HEXD: variants seen among roughly 807,000 people sequenced by gnomAD.
HEXD encodes the protein hexosaminidase D.
A neutral mutation model predicts 54.2 loss-of-function variants in HEXD; 47 were observed. That is an observed-to-expected ratio of 0.87 (90% CI 0.69 to 1.11). HEXD has a LOEUF of 1.11. Among genes scored for constraint, HEXD ranks in the 50% least tolerant of loss-of-function variants. The pLI is 0.00. For missense variants in HEXD, 576 were observed against 649.2 expected (o/e 0.89, Z 1.23); for synonymous variants, 293 against 287.6 (o/e 1.02, Z -0.19).
intron 11 of HEXD, among the ~76,000 whole-genome samples, 191 bp downstream of exon 11, chr17:82,441,457 G>A (rs1599761068): frequency 2.0e-5 from 3 of 147,860 alleles, no homozygotes; most frequent in Non-Finnish European, 4.5e-5. Context: ...AGGCAGGTGT[G>A]AGCGTGCAGG....
intron 9 of HEXD, chr17:82,440,427 T>C (rs1173579202): frequency 1.4e-6 from 1 of 735,094 alleles, no homozygotes; most frequent in South Asian, 1.8e-5. Context: ...CAGACACCCC[T>C]GTACCCCACA....
In HEXD at chr17:82,434,095, G is replaced by A. The variant is rs1312760187; in HGVS notation, c.447+273G>A. On this transcript the variant is annotated intron_variant, in intron 5 of 12. Coordinates refer to ENST00000327949, the MANE Select transcript of HEXD (RefSeq NM_001330542.2). This position sits in a 1 kb window ranked among gnomAD's most constrained non-coding sequence, Gnocchi z 4.5. Reference sequence around the variant, plus strand: ...GGACAGCCTGCAGAGCCCGAGGGAGGCACCCTCGTGTCAGACGAGACCACC... The same window carrying A: ...GGACAGCCTGCAGAGCCCGAGGGAGACACCCTCGTGTCAGACGAGACCACC... Among the ~76,000 whole-genome samples, 1 of 152,184 alleles carries A rather than the reference G, an allele frequency of 6.6e-6. No individual in the cohort carries two copies. The highest frequency in any genetic ancestry group is 1.5e-5 in the Non-Finnish European group (1 of 68,014).
intron 4 of HEXD, among the ~76,000 whole-genome samples, chr17:82,431,602 C>T (rs181132256): frequency 3.4e-4 from 52 of 152,040 alleles, no homozygotes; most frequent in Admixed American, 1.9e-3. Flanking sequence ...TTAGTAGAGA[C>T]GGGGTTTTGC....
chr17:82,431,784 C>T (rs534829908), intron 4 of HEXD, among the ~76,000 whole-genome samples: 1 of 152,180 alleles, frequency 6.6e-6, no homozygotes, highest in South Asian at 2.1e-4. Context: ...GCATGTGGGC[C>T]CTGAGAGTCA....
chr17:82,433,714 C>T lies in HEXD; in HGVS notation c.339C>T (p.Cys113=), dbSNP rs751891863. 7.4e-6 allele frequency: 12 copies of T among 1,612,914 alleles called. No homozygotes were observed. Among genetic ancestry groups the T allele is most frequent in the Middle Eastern group, 1.6e-4 (1 of 6,080 alleles). ...AHLREVGSFP[C]TLNPHEAESL... Reference sequence around the variant, plus strand: ...TGCGGGAGGTGGGCTCCTTCCCCTGCACCCTGAACCCCCACGAGGCAGAGT... The same window carrying T: ...TGCGGGAGGTGGGCTCCTTCCCCTGTACCCTGAACCCCCACGAGGCAGAGT... Residue 113 remains cysteine, a synonymous_variant, in exon 5 of 13, where the codon TGC becomes TGT. Coordinates refer to ENST00000327949, the MANE Select transcript of HEXD (RefSeq NM_001330542.2).
chr17:82,425,652 A>T (rs2053391702), intron 3 of HEXD: 1 of 152,412 alleles, frequency 6.6e-6, no homozygotes, highest in African/African-American at 2.4e-5. Flanking sequence ...AGGAAGAAAC[A>T]AAAAAGGCCA....
intron 4 of HEXD, among the ~76,000 whole-genome samples, chr17:82,429,253 C>T (rs1255101760): frequency 6.6e-6 from 1 of 152,020 alleles, no homozygotes; most frequent in African/African-American, 2.4e-5. Flanking sequence ...GAGCAAGACT[C>T]CGTCTCAAAA....
chr17:82,432,101 G>A (rs529307509), intron 4 of HEXD, among the ~76,000 whole-genome samples: 39 of 152,250 alleles, frequency 2.6e-4, no homozygotes, highest in African/African-American at 8.7e-4. Flanking sequence ...AAGGGTTTGG[G>A]CAGAGGTTGT....
rs773601162 is a variant in HEXD, at chr17:82,441,283, G to C, written c.1163+17G>C. The C allele has an allele frequency of 3.1e-6, 5 of 1,601,236 alleles. No individual in the cohort carries two copies. In the South Asian group the frequency reaches 5.5e-5, roughly 18 times the overall value. On this transcript the variant is annotated intron_variant, in intron 11 of 12. Transcript: ENST00000327949. ...GGGCAACAGGTGAGCGTGTGGGTTA[G>C]GGGCAGGTGTGGGTGAGGGGGGCAG... is the stretch of plus-strand genomic sequence containing the variant.
Position 82,424,943 on chromosome 17 carries a change from G to A in HEXD, c.194+440G>A, listed in dbSNP as rs77453681. Among the ~76,000 whole-genome samples, 474 of 152,070 alleles carry A rather than the reference G, an allele frequency of 3.1e-3. 2 individuals are homozygous for A. The highest frequency in any genetic ancestry group is 0.011 in the African/African-American group (440 of 41,484). On this transcript the variant is annotated intron_variant, in intron 3 of 12. Coordinates refer to ENST00000327949, the MANE Select transcript of HEXD (RefSeq NM_001330542.2). The stretch of plus-strand genomic sequence containing the variant: ...AGGCTAGAGAAGGCTGGAGAAGGCT[G>A]GAGAAGGCTGGACTACAGAAGGTTA...
rs2053132118 is a variant in HEXD, at chr17:82,418,554, A to G, written c.-238A>G. The stretch of plus-strand genomic sequence containing the variant: ...CCCGGGGACGAACGCCGTAACAGGG[A>G]GCGCGAGGCAGGCACGGCGCAGGGA... On this transcript the variant is annotated 5_prime_UTR_variant, in exon 1 of 13. Transcript: ENST00000327949. The G allele has an allele frequency of 2.1e-5, 18 of 858,170 alleles. No homozygotes were observed. The highest frequency in any genetic ancestry group is 2.8e-5 in the Non-Finnish European group (18 of 637,746). The allele number at this position is 858,170 out of a possible 1,614,324, so 53.2% of individuals were successfully genotyped here. A position where few individuals can be genotyped will look rare whatever the true frequency, so the allele number is the denominator to read the frequency against.
chr17:82,436,906 G>A (rs973310934), intron 7 of HEXD, 168 bp downstream of exon 7: 16 of 649,748 alleles, frequency 2.5e-5, no homozygotes, highest in Middle Eastern at 4.2e-4. Context: ...GACGGCCACC[G>A]TGCACCGGTG....
chr17:82,435,979 CCCCGCACAGA>C, intron 6 of HEXD, 107 bp downstream of exon 6: 1 of 1,114,082 alleles, frequency 9.0e-7, no homozygotes, highest in Admixed American at 2.5e-5. Context: ...TGAGCCCCAG[CCCCGCACAGA>C]CCCGCCACAA....
chr17:82,437,611 C>T (rs567640866), intron 8 of HEXD, among the ~76,000 whole-genome samples: 94 of 139,240 alleles, frequency 6.8e-4, no homozygotes, highest in African/African-American at 2.5e-3. Context: ...TACCCGTGTG[C>T]GCCGCACCTG....
In HEXD at chr17:82,442,518, G is replaced by C; in HGVS notation, c.*134G>C. The stretch of plus-strand genomic sequence containing the variant: ...AGTGTCTTGCCCACACTCAGTTCCT[G>C]AGGGCCCTGGGCAGCCCCTGGGGGA... On this transcript the variant is annotated 3_prime_UTR_variant, in exon 13 of 13. Coordinates refer to ENST00000327949, the MANE Select transcript of HEXD (RefSeq NM_001330542.2). The surrounding 1 kb of genome is among the most constrained non-coding windows in gnomAD (Gnocchi z 6.8). The C allele has an allele frequency of 1.9e-6, 3 of 1,594,186 alleles. No individual in the cohort carries two copies. Among genetic ancestry groups the C allele is most frequent in the Non-Finnish European group, 2.6e-6 (3 of 1,163,900 alleles).
Position 82,435,776 on chromosome 17 carries a change from C to A in HEXD, c.535C>A (p.Arg179=), listed in dbSNP as rs112909670. ...GGGGAAGTTGTGCCTGTCACACATGCGGGCGGTGGCCAGCGGCGTGAAGGC... is the reference window on the plus strand; with the variant it reads ...GGGGAAGTTGTGCCTGTCACACATGAGGGCGGTGGCCAGCGGCGTGAAGGC... ...STGKLCLSHM[R]AVASGVKARR... The change falls in exon 6 of 13, where the codon CGG becomes AGG. Residue 179 remains arginine (R), a synonymous_variant. Transcript: ENST00000327949. The A allele has an allele frequency of 6.2e-7, 1 of 1,612,830 alleles. No individual in the cohort carries two copies. The highest frequency in any genetic ancestry group is 1.3e-5 in the African/African-American group (1 of 74,940).
intron 11 of HEXD, 94 bp downstream of exon 11, chr17:82,441,360 G>A: frequency 2.9e-6 from 4 of 1,390,226 alleles, no homozygotes; most frequent in Admixed American, 5.0e-5. Context: ...GGCAGGTGCG[G>A]GTGAGGGGCA....
In HEXD at chr17:82,442,149, T is replaced by C. The variant is rs1222838110; in HGVS notation, c.1254-28T>C. The C allele has an allele frequency of 6.3e-7, 1 of 1,584,386 alleles. No individual in the cohort carries two copies. ...GAGGGCAAGTCCCAAGTGTGCAGAC[T>C]GTGCGTTCATGGCGCCCTCACCTGC... is the stretch of plus-strand genomic sequence containing the variant. On this transcript the variant is annotated intron_variant, in intron 12 of 12. Transcript: ENST00000327949. This position sits in a 1 kb window ranked among gnomAD's most constrained non-coding sequence, Gnocchi z 6.8.
At chr17:82,424,556 G>A in intron 3 of HEXD, 53 bp downstream of exon 3, 1 of 1,291,428 alleles carries the variant, frequency 7.7e-7, no homozygotes, top group Non-Finnish European at 1.1e-6. Context: ...GGGGAAGGGG[G>A]GGTTCCGCAG....
Sources: gnomAD v4.1 joint callset for allele counts (sites outside exome capture counted in the v4.1 genomes callset) on GRCh38, gnomAD v4.1.1 for gene constraint, Gnocchi (gnomAD v3.1) non-coding constraint, MANE v1.5 for transcripts, NCBI Gene and HGNC (gene_info 2026-07-23, HGNC 2026-07-21) for gene names.